Variants in HDHD2 observed in about 807,000 individuals in gnomAD.
The protein encoded by HDHD2 is haloacid dehalogenase like hydrolase domain containing 2.
In HDHD2, 26 loss-of-function variants were observed where a neutral mutation model predicts 24.8. The ratio of observed to expected loss-of-function variants is 1.05; its 90% CI spans 0.77 to 1.45. The LOEUF (loss-of-function observed/expected upper bound fraction) is 1.45. HDHD2 is among the 40% of genes most tolerant of loss of function. The probability of loss-of-function intolerance (pLI) is 0.00; values close to 1 mark genes in which losing one functional copy is unlikely to be tolerated. For missense variants in HDHD2, 299 were observed against 313.4 expected (o/e 0.95, Z 0.35); for synonymous variants, 128 against 114.9 (o/e 1.11, Z -0.73).
At chr18:47,126,233 A>C (rs1029973851) in intron 4 of HDHD2, among the ~76,000 whole-genome samples, 3 of 152,202 alleles carry the variant, frequency 2.0e-5, no homozygotes, top group Non-Finnish European at 4.4e-5. Context: ...CTGCTGCTAC[A>C]CTGTTCTGGG....
At chr18:47,127,783 C>A (rs1047516043) in intron 4 of HDHD2, among the ~76,000 whole-genome samples, 1 of 150,874 alleles carries the variant, frequency 6.6e-6, no homozygotes, top group African/African-American at 2.4e-5. Flanking sequence ...TGTAGAAAGG[C>A]TGTACTATGC....
At chr18:47,116,476 T>A (rs1440172137) in intron 4 of HDHD2, among the ~76,000 whole-genome samples, 1 of 152,210 alleles carries the variant, frequency 6.6e-6, no homozygotes, top group Non-Finnish European at 1.5e-5. Context: ...GATGCAGAAT[T>A]CAGACATTTA....
chr18:47,137,143 A>G, intron 1 of HDHD2: 1 of 726,398 alleles, frequency 1.4e-6, no homozygotes, highest in Non-Finnish European at 2.6e-6. Context: ...CACTTGGTAA[A>G]CTAATGAAAG....
At chr18:47,115,588 T>C (rs547982730) in intron 4 of HDHD2, among the ~76,000 whole-genome samples, 76 of 152,012 alleles carry the variant, frequency 5.0e-4, no homozygotes, top group South Asian at 1.9e-3. Context: ...ACCTTTTACC[T>C]TTAGTGGTTT....
At chr18:47,136,283 G>A (rs760445698) in intron 2 of HDHD2, 56 bp downstream of exon 2, 7 of 1,603,974 alleles carry the variant, frequency 4.4e-6, no homozygotes, top group Non-Finnish European at 6.0e-6. Context: ...ATGATCTGCC[G>A]TGGTAAAATG....
At chr18:47,118,844 G>C (rs1054234294) in intron 4 of HDHD2, among the ~76,000 whole-genome samples, 2 of 152,148 alleles carry the variant, frequency 1.3e-5, no homozygotes, top group African/African-American at 2.4e-5. Context: ...CAATCAAGGA[G>C]AGCTAGAACC....
At chr18:47,124,654 C>T (rs1026292006) in intron 4 of HDHD2, among the ~76,000 whole-genome samples, 3 of 130,054 alleles carry the variant, frequency 2.3e-5, no homozygotes, top group South Asian at 5.1e-4. Context: ...TGCAGTGAGC[C>T]GAGATTACAC....
At position 47,134,558 on chromosome 18, in the gene HDHD2, A is replaced by G. The variant is rs1192785721; in HGVS notation, c.248T>C (p.Leu83Pro). Reference protein sequence around the residue: ...FTSLTAARSLLERKQVRPMLL... With the variant: ...FTSLTAARSLPERKQVRPMLL... ...CATGGGTCTGACTTGTTTCCGCTCT[A>G]GTAAACTTCTGGCTGCAGTCAGAGA... The change falls in exon 3 of 7, where the codon CTA becomes CCA. Residue 83 changes from leucine to proline, a missense_variant. Physicochemically the swap from Leu to Pro is moderately conservative, Grantham distance 98. Coordinates refer to ENST00000300605, the MANE Select transcript of HDHD2 (RefSeq NM_032124.5). The G allele has an allele frequency of 6.2e-7, 1 of 1,614,186 alleles. No individual in the cohort carries two copies. The highest frequency in any genetic ancestry group is 1.3e-5 in the African/African-American group (1 of 75,062).
intron 4 of HDHD2, among the ~76,000 whole-genome samples, chr18:47,121,996 T>C (rs572420478): frequency 1.8e-4 from 28 of 152,284 alleles, no homozygotes; most frequent in Non-Finnish European, 3.7e-4. Flanking sequence ...TTCAACCCCT[T>C]TTTTCCTTCA....
rs2063490405 is a variant in HDHD2, at chr18:47,108,467, G to A, written c.*215C>T. ...CAAAATCTCAGCTTTCCCTTTCTTT[G>A]GGTCTCATCTTCAGTTACAAAATAA... is the stretch of plus-strand genomic sequence containing the variant. On this transcript the variant is annotated 3_prime_UTR_variant, in exon 7 of 7. Coordinates refer to ENST00000300605, the MANE Select transcript of HDHD2 (RefSeq NM_032124.5). 7.4e-6 allele frequency: 3 copies of A among 407,006 alleles called. No individual in the cohort carries two copies. Among genetic ancestry groups the A allele is most frequent in the Admixed American group, 9.0e-5 (2 of 22,300 alleles). The allele number at this position is 407,006 out of a possible 1,614,324, so 25.2% of individuals were successfully genotyped here.
At chr18:47,150,118 ACACACTAGCTTCACGATCCG>A (rs1273658446) in intron 1 of HDHD2, 1 of 152,056 alleles carries the variant, frequency 6.6e-6, no homozygotes, top group Non-Finnish European at 1.5e-5. Context: ...GGAATGACTG[ACACACTAGCTTCACGATCCG>A]CCCCGCAGAG....
At position 47,118,170 on chromosome 18, in the gene HDHD2, G is replaced by C. The variant is rs79260308; in HGVS notation, c.396-2822C>G. On this transcript the variant is annotated intron_variant, in intron 4 of 6. Transcript: ENST00000300605. Reference sequence around the variant, plus strand: ...TCAGGCAGAGCAGCGAGAGAAAGCTGAAGGAGTGATTTAAATTTAGAGCCA... The same window carrying C: ...TCAGGCAGAGCAGCGAGAGAAAGCTCAAGGAGTGATTTAAATTTAGAGCCA... 1.7e-3 allele frequency among the ~76,000 whole-genome samples: 263 copies of C among 152,268 alleles called. 2 individuals carry two copies. The East Asian group carries it at 0.043, about 25-fold the overall frequency.
intron 1 of HDHD2, among the ~76,000 whole-genome samples, chr18:47,144,877 C>T (rs2063854277): frequency 6.6e-6 from 1 of 150,756 alleles, no homozygotes; most frequent in Non-Finnish European, 1.5e-5. Context: ...GAATGATGAG[C>T]AAGTAACCTA....
At chr18:47,147,030 A>G (rs973067075) in intron 1 of HDHD2, among the ~76,000 whole-genome samples, 6 of 152,226 alleles carry the variant, frequency 3.9e-5, no homozygotes, top group African/African-American at 1.4e-4. Context: ...GATATATTGC[A>G]CAATAAAAAA....
At chr18:47,111,897 A>G (rs2063518901) in intron 6 of HDHD2, 1 of 651,976 alleles carries the variant, frequency 1.5e-6, no homozygotes, top group African/African-American at 2.0e-5. Flanking sequence ...CTTTATGTTT[A>G]AATATTCCCT....
chr18:47,136,359 G>C lies in HDHD2; in HGVS notation c.81C>G (p.Gly27=). ...CTTGCCTTTTAAGAGCTTCCTGTGC[G>C]CCTGGCACAGCTGCATCTTCAATGT... The part of the protein sequence containing the change: ...TLHIEDAAVP[G]AQEALKRLRG... Residue 27 remains glycine (G), a synonymous_variant, in exon 2 of 7, where the codon GGC becomes GGG. Transcript: ENST00000300605. 1 of 1,613,138 alleles carries C rather than the reference G, an allele frequency of 6.2e-7. No individual in the cohort carries two copies. The highest frequency in any genetic ancestry group is 8.5e-7 in the Non-Finnish European group (1 of 1,179,622).
At chr18:47,128,077 TC>T (rs1414802647) in intron 4 of HDHD2, among the ~76,000 whole-genome samples, 1 of 152,180 alleles carries the variant, frequency 6.6e-6, no homozygotes, top group African/African-American at 2.4e-5. Context: ...CTAAAATCCT[TC>T]TGTTAACTCT....
At chr18:47,115,425 C>A (rs1272532451) in intron 4 of HDHD2, 77 bp from the exon 5 acceptor site, 9 of 1,012,688 alleles carry the variant, frequency 8.9e-6, no homozygotes, top group Non-Finnish European at 1.3e-5. Flanking sequence ...GTCAGACTTA[C>A]AAAGTGGCTG....
intron 4 of HDHD2, among the ~76,000 whole-genome samples, chr18:47,124,973 A>G (rs1330726728): frequency 6.6e-6 from 1 of 152,134 alleles, no homozygotes; most frequent in Non-Finnish European, 1.5e-5. Context: ...GAGAACAGCC[A>G]GCAACACAGC....
Sources: gnomAD v4.1 joint callset for allele counts (sites outside exome capture counted in the v4.1 genomes callset) on GRCh38, gnomAD v4.1.1 for gene constraint, MANE v1.5 for transcripts, NCBI Gene and HGNC (gene_info 2026-07-23, HGNC 2026-07-21) for gene names.